The following PRKDC variants were observed in gnomAD, a reference collection of about 807,000 sequenced individuals.
PRKDC encodes DNA-dependent protein kinase catalytic subunit.
A neutral mutation model predicts 486.9 loss-of-function variants in PRKDC; 82 were observed. The observed-to-expected ratio is 0.17, with a 90% CI of 0.14 to 0.20. PRKDC has a LOEUF of 0.20. Ranked by LOEUF, PRKDC falls within the 10% of genes least tolerant of loss-of-function variation. PRKDC has a pLI of 1.00. For synonymous variants in PRKDC, 1,895 were observed against 1,837.0 expected, an observed-to-expected ratio of 1.03 and a Z score of -0.81; for missense variants, 4,504 against 5,038.2, an observed-to-expected ratio of 0.89 and a Z score of 3.21.
Position 47,869,968 on chromosome 8 carries a change from G to A in PRKDC, c.5364-5205C>T, listed in dbSNP as rs184205859. ...CTTTATTTTAGGAAAGGAGAGGGAA[G>A]AATGAAAAGGACTTTGTTTTGCAGC... On this transcript the variant is annotated intron_variant, in intron 40 of 85. Transcript: ENST00000314191. Among the ~76,000 whole-genome samples, 1,128 of 152,286 alleles carry A rather than the reference G, an allele frequency of 7.4e-3. 7 individuals are homozygous for A. Among genetic ancestry groups the A allele is most frequent in the Non-Finnish European group, 0.011 (759 of 68,012 alleles).
chr8:47,799,003 G>T (rs1303232309), intron 72 of PRKDC, among the ~76,000 whole-genome samples: 3 of 152,108 alleles, frequency 2.0e-5, no homozygotes, highest in Non-Finnish European at 4.4e-5. Context: ...TAGAGTTGGG[G>T]TTTCACCACG....
intron 41 of PRKDC, among the ~76,000 whole-genome samples, chr8:47,864,346 T>C (rs1221023953): frequency 6.6e-6 from 1 of 152,148 alleles, no homozygotes; most frequent in East Asian, 1.9e-4. Flanking sequence ...TCTGGACTTC[T>C]GGCCTCCAGA....
chr8:47,818,669 C>T (rs189664795), intron 67 of PRKDC, among the ~76,000 whole-genome samples: 91 of 148,916 alleles, frequency 6.1e-4, no homozygotes, highest in Admixed American at 5.0e-3. Flanking sequence ...ATAAATGATA[C>T]GTCATTAATA....
At position 47,929,895 on chromosome 8, in the gene PRKDC, A is replaced by G. The variant is rs761923452; in HGVS notation, c.2010T>C (p.Leu670=). ...LPLISGFYKL[L]SITVRNAKKI... is the part of the protein sequence containing the mutation. ...TCTTGGCATTTCTTACTGTAATAGA[A>G]AGCAATTTGTAGAAACCACTGATGA... Residue 670 remains leucine (L), a synonymous_variant, in exon 18 of 86, where the codon CTT becomes CTC. Transcript: ENST00000314191. 2 of 1,604,374 alleles carry G rather than the reference A, an allele frequency of 1.2e-6. No individual in the cohort carries two copies. The highest frequency in any genetic ancestry group is 2.3e-5 in the South Asian group (2 of 87,686).
Position 47,818,431 on chromosome 8 carries a change from T to G in PRKDC, c.9446-870A>C, listed in dbSNP as rs541064690. Among the ~76,000 whole-genome samples, 6 of 151,696 alleles carry G rather than the reference T, an allele frequency of 4.0e-5. No individual in the cohort carries two copies. In the South Asian group the frequency reaches 1.0e-3, roughly 26 times the overall value. ...CATCTCTACTAAAAATACAAAAAAT[T>G]AGCCAGGCATGGTGGCGGGAGCCTA... On this transcript the variant is annotated intron_variant, in intron 67 of 85. Transcript: ENST00000314191.
intron 77 of PRKDC, 96 bp downstream of exon 77, chr8:47,785,017 C>T: frequency 8.5e-7 from 1 of 1,174,564 alleles, no homozygotes; most frequent in Non-Finnish European, 1.2e-6. Context: ...AAATAACTGT[C>T]AATATCCCAG....
At chr8:47,937,897 T>G (rs1475474349) in intron 11 of PRKDC, among the ~76,000 whole-genome samples, 1 of 152,178 alleles carries the variant, frequency 6.6e-6, no homozygotes, top group Non-Finnish European at 1.5e-5. Flanking sequence ...GGAGGTTTGC[T>G]TGAAGCCAGG....
At chr8:47,802,692 G>A (rs895392423) in intron 70 of PRKDC, among the ~76,000 whole-genome samples, 30 of 150,114 alleles carry the variant, frequency 2.0e-4, no homozygotes, top group Admixed American at 1.5e-3. Context: ...TTTCTCTGTC[G>A]TCCAGGGTGG....
intron 7 of PRKDC, among the ~76,000 whole-genome samples, chr8:47,946,258 G>A (rs868618665): frequency 4.6e-5 from 7 of 152,142 alleles, no homozygotes; most frequent in Middle Eastern, 3.4e-3. Context: ...TTGAACTCGG[G>A]AGGCAGAGGC....
intron 43 of PRKDC, 94 bp downstream of exon 43, chr8:47,862,279 A>G (rs1589750264): frequency 7.2e-7 from 1 of 1,393,460 alleles, no homozygotes; most frequent in Non-Finnish European, 9.8e-7. Context: ...CATCTTTAAT[A>G]TAAGATGGTA....
intron 56 of PRKDC, among the ~76,000 whole-genome samples, chr8:47,838,619 C>CATA (rs2088077458): frequency 1.3e-5 from 2 of 152,180 alleles, no homozygotes; most frequent in African/African-American, 4.8e-5. Context: ...CTCTAAAAAA[C>CATA]ATAATAATAA....
intron 38 of PRKDC, among the ~76,000 whole-genome samples, chr8:47,880,158 G>A (rs1032439847): frequency 1.3e-5 from 2 of 152,090 alleles, no homozygotes; most frequent in African/African-American, 4.8e-5. Flanking sequence ...CTATACCTCA[G>A]CTTTGACTCT....
chr8:47,777,331 C>T (rs1332915062), intron 84 of PRKDC, among the ~76,000 whole-genome samples: 1 of 152,072 alleles, frequency 6.6e-6, no homozygotes, highest in African/African-American at 2.4e-5. Context: ...GCCTCAGCCT[C>T]CCAAGGAGCT....
chr8:47,881,687 G>C (rs990036630), intron 37 of PRKDC, among the ~76,000 whole-genome samples, 167 bp from the exon 38 acceptor site: 4 of 152,096 alleles, frequency 2.6e-5, no homozygotes, highest in Non-Finnish European at 4.4e-5. Context: ...TATCTGTTAG[G>C]ACAATACATG....
chr8:47,824,288 C>A (rs1163639915), intron 63 of PRKDC, among the ~76,000 whole-genome samples: 1 of 151,916 alleles, frequency 6.6e-6, no homozygotes, highest in African/African-American at 2.4e-5. Context: ...GCCTGGCCAA[C>A]ATGGTGAAAC....
chr8:47,818,099 A>G (rs937662369), intron 67 of PRKDC, among the ~76,000 whole-genome samples: 1 of 152,230 alleles, frequency 6.6e-6, no homozygotes, highest in African/African-American at 2.4e-5. Flanking sequence ...AAAACTGAAA[A>G]TTCACATTGT....
At chr8:47,854,452 C>A (rs1191615617) in intron 50 of PRKDC, among the ~76,000 whole-genome samples, 1 of 152,130 alleles carries the variant, frequency 6.6e-6, no homozygotes. Context: ...CATTCTCCTG[C>A]CTCAGCCTCC....
chr8:47,925,451 G>A (rs1202444581), intron 21 of PRKDC, among the ~76,000 whole-genome samples: 2 of 152,144 alleles, frequency 1.3e-5, no homozygotes, highest in African/African-American at 2.4e-5. Flanking sequence ...AACTAAGAAA[G>A]GTTGAAGAAC....
intron 59 of PRKDC, 93 bp downstream of exon 59, chr8:47,834,102 GA>G: frequency 2.0e-6 from 3 of 1,465,532 alleles, no homozygotes; most frequent in Non-Finnish European, 2.8e-6. Context: ...GAATGAGAAG[GA>G]AACATGGATA....
Sources: allele counts gnomAD v4.1 joint callset (sites outside exome capture counted in the v4.1 genomes callset), GRCh38; gene constraint gnomAD v4.1.1; transcripts MANE v1.5; gene names NCBI Gene and HGNC (gene_info 2026-07-23, HGNC 2026-07-21).